The following CSMD1 variants were observed in gnomAD, a reference collection of about 807,000 sequenced individuals.
CSMD1 encodes CUB and sushi domain-containing protein 1.
CSMD1 carries 213 observed loss-of-function variants against 417.5 expected under a neutral mutation model. The observed-to-expected ratio is 0.51, with a 90% CI of 0.46 to 0.57. The LOEUF (loss-of-function observed/expected upper bound fraction) is 0.57. Among genes scored for constraint, CSMD1 ranks in the 20% least tolerant of loss-of-function variants. The probability of loss-of-function intolerance (pLI) is 0.00; values close to 1 mark genes in which losing one functional copy is unlikely to be tolerated. For synonymous variants in CSMD1, 2,862 were observed against 1,736.8 expected (o/e 1.65, Z -16.11); for missense variants, 6,923 against 4,529.7 (o/e 1.53, Z -15.17).
chr8:3,631,045 C>G (rs1028713700), intron 7 of CSMD1, among the ~76,000 whole-genome samples: 2 of 152,154 alleles, frequency 1.3e-5, no homozygotes, highest in African/African-American at 4.8e-5. Context: ...CTTCTTTGCT[C>G]GTGCCGCTCC....
intron 3 of CSMD1, among the ~76,000 whole-genome samples, chr8:4,063,693 G>C (rs949961220): frequency 3.3e-5 from 5 of 152,172 alleles, no homozygotes; most frequent in Admixed American, 6.5e-5. Flanking sequence ...GCATGGACCA[G>C]GCATGCTACC....
intron 1 of CSMD1, among the ~76,000 whole-genome samples, chr8:4,888,559 G>C (rs1368967276): frequency 6.6e-6 from 1 of 151,694 alleles, no homozygotes; most frequent in Non-Finnish European, 1.5e-5. Flanking sequence ...AGAGTCTATG[G>C]ACCCCTGTAC....
intron 12 of CSMD1, among the ~76,000 whole-genome samples, chr8:3,431,728 C>G (rs1021135086): frequency 4.6e-5 from 7 of 152,202 alleles, no homozygotes; most frequent in Non-Finnish European, 7.3e-5. Context: ...ACATCTCTCA[C>G]TTTACTTTTG....
intron 6 of CSMD1, among the ~76,000 whole-genome samples, chr8:3,751,535 CA>C (rs1797343306): frequency 6.7e-6 from 1 of 149,330 alleles, no homozygotes; most frequent in Non-Finnish European, 1.5e-5. Flanking sequence ...ATAATATATA[CA>C]AGAATGAAGT....
Position 3,910,468 on chromosome 8 carries a change from G to C in CSMD1, c.818+87435C>G, listed in dbSNP as rs578185324. On this transcript the variant is annotated intron_variant, in intron 5 of 69. Coordinates refer to ENST00000635120, the MANE Select transcript of CSMD1 (RefSeq NM_033225.6). ...AATTTAAGTGTTCAGGTTTTATTTT[G>C]TTCACTTTATATTTTGAAAGTGAAC... is the stretch of plus-strand genomic sequence containing the variant. 2.6e-5 allele frequency among the ~76,000 whole-genome samples: 4 copies of C among 152,146 alleles called. No homozygotes were observed. The South Asian group carries it at 6.2e-4, about 24-fold the overall frequency.
chr8:3,799,470 C>T (rs115734500), intron 5 of CSMD1, among the ~76,000 whole-genome samples: 2,126 of 140,556 alleles, frequency 0.015, 45 homozygotes, highest in East Asian at 0.04. Context: ...CTGTTCAGTT[C>T]CCACCTATAA....
At chr8:3,734,008 G>C (rs954593963) in intron 6 of CSMD1, among the ~76,000 whole-genome samples, 2 of 152,092 alleles carry the variant, frequency 1.3e-5, no homozygotes, top group Non-Finnish European at 2.9e-5. Context: ...GCAAGGGTGT[G>C]AGTGTGTATA....
At chr8:4,838,503 T>C (rs1800635882) in intron 1 of CSMD1, among the ~76,000 whole-genome samples, 1 of 152,262 alleles carries the variant, frequency 6.6e-6, no homozygotes, top group African/African-American at 2.4e-5. Context: ...TTCTGTCTCA[T>C]AACTTTCCCT....
intron 10 of CSMD1, among the ~76,000 whole-genome samples, chr8:3,517,181 A>G (rs963964249): frequency 1.3e-5 from 2 of 152,138 alleles, no homozygotes; most frequent in Non-Finnish European, 2.9e-5. Flanking sequence ...GCCTGTCACC[A>G]GATGTTTGAC....
chr8:4,834,976 A>AG (rs1800382629), intron 1 of CSMD1, among the ~76,000 whole-genome samples: 1 of 32,954 alleles, frequency 3.0e-5, no homozygotes, highest in Non-Finnish European at 1.1e-4. Context: ...AAAAAAAAAA[A>AG]AAAAGAAAGA....
intron 1 of CSMD1, among the ~76,000 whole-genome samples, chr8:4,923,353 G>C (rs1044781108): frequency 2.0e-5 from 3 of 151,932 alleles, no homozygotes; most frequent in African/African-American, 4.8e-5. Context: ...CTTCTTAAAG[G>C]GTTGGCATAC....
Position 3,271,573 on chromosome 8 carries a change from C to T in CSMD1, c.4153+12571G>A, listed in dbSNP as rs184170018. Among the ~76,000 whole-genome samples, 662 of 151,912 alleles carry T rather than the reference C, an allele frequency of 4.4e-3. 3 individuals are homozygous for T. Among genetic ancestry groups the T allele is most frequent in the African/African-American group, 0.015 (601 of 41,374 alleles). Reference sequence around the variant, plus strand: ...GTGTAAAAGTGTTCCTATTTCTCCACATCCTCTCCAGCACCTGTTGTTTCC... The same window carrying T: ...GTGTAAAAGTGTTCCTATTTCTCCATATCCTCTCCAGCACCTGTTGTTTCC... On this transcript the variant is annotated intron_variant, in intron 26 of 69. Coordinates refer to ENST00000635120, the MANE Select transcript of CSMD1 (RefSeq NM_033225.6).
At chr8:4,036,425 G>T (rs1428055496) in intron 3 of CSMD1, among the ~76,000 whole-genome samples, 1 of 152,062 alleles carries the variant, frequency 6.6e-6, no homozygotes. Context: ...ATTTCTGAAG[G>T]AAAAATATCA....
At chr8:4,278,992 A>G (rs1336666517) in intron 3 of CSMD1, among the ~76,000 whole-genome samples, 3 of 152,222 alleles carry the variant, frequency 2.0e-5, no homozygotes, top group East Asian at 3.8e-4. Context: ...CTATATTGTT[A>G]TAACTATTTA....
At chr8:4,877,730 A>C (rs1033226172) in intron 1 of CSMD1, among the ~76,000 whole-genome samples, 19 of 152,256 alleles carry the variant, frequency 1.2e-4, no homozygotes, top group African/African-American at 4.6e-4. Context: ...AGGAAGACAG[A>C]CTATGTGTTT....
chr8:4,099,163 C>T (rs1316339150), intron 3 of CSMD1, among the ~76,000 whole-genome samples: 1 of 151,080 alleles, frequency 6.6e-6, no homozygotes, highest in African/African-American at 2.4e-5. Flanking sequence ...ATGCATATGT[C>T]TTATTTATCT....
intron 5 of CSMD1, among the ~76,000 whole-genome samples, chr8:3,957,694 A>G (rs1812051427): frequency 1.4e-5 from 2 of 146,380 alleles, no homozygotes; most frequent in Non-Finnish European, 3.0e-5. Context: ...TCGGAAAAAA[A>G]AGAAGAGAAG....
At chr8:3,354,290 A>G (rs991955696) in intron 21 of CSMD1, among the ~76,000 whole-genome samples, 5 of 152,226 alleles carry the variant, frequency 3.3e-5, no homozygotes, top group African/African-American at 9.6e-5. Flanking sequence ...GTTTCTTAAC[A>G]TAATGGCTGG....
At chr8:4,370,732 T>C (rs934037960) in intron 3 of CSMD1, among the ~76,000 whole-genome samples, 1 of 152,222 alleles carries the variant, frequency 6.6e-6, no homozygotes, top group African/African-American at 2.4e-5. Context: ...ACAGTTAATG[T>C]CACCAGTTGT....
Sources: gnomAD v4.1 joint callset for allele counts (sites outside exome capture counted in the v4.1 genomes callset) on GRCh38, gnomAD v4.1.1 for gene constraint, MANE v1.5 for transcripts, NCBI Gene and HGNC (gene_info 2026-07-23, HGNC 2026-07-21) for gene names.